NAP1L4: variants seen among roughly 807,000 people sequenced by gnomAD.
NAP1L4 encodes nucleosome assembly protein 1 like 4, also known as nucleosome assembly protein 1-like 4.
Under a neutral mutation model 58.2 loss-of-function variants are expected in NAP1L4, and 15 were observed. The ratio of observed to expected loss-of-function variants is 0.26; its 90% CI spans 0.17 to 0.40. The LOEUF is 0.40. Ranked by LOEUF, NAP1L4 falls within the 10% of genes least tolerant of loss-of-function variation. The pLI is 1.00. For missense variants in NAP1L4, 384 were observed against 451.1 expected, an observed-to-expected ratio of 0.85 and a Z score of 1.35; for synonymous variants, 171 against 155.6, an observed-to-expected ratio of 1.10 and a Z score of -0.74.
chr11:2,945,738 GTTCA>G lies in NAP1L4; in HGVS notation c.*33-96_*33-93del. The G allele has an allele frequency of 2.9e-6, 3 of 1,031,870 alleles. No homozygotes were observed. The South Asian group carries it at 4.8e-5, about 17-fold the overall frequency. 63.9% of individuals were successfully genotyped at this position (1,031,870 alleles called of 1,614,324 possible). A position where few individuals can be genotyped will look rare whatever the true frequency, so the allele number is the denominator to read the frequency against. The stretch of plus-strand genomic sequence containing the variant: ...AACAATGAAAGCCAAGACTGAATGA[GTTCA>G]TTCTCATTGAAAAAAATGGTTACTG... On this transcript the variant is annotated intron_variant, in intron 15 of 15. Coordinates refer to ENST00000380542, the MANE Select transcript of NAP1L4 (RefSeq NM_005969.4).
chr11:2,986,976 T>C (rs1848672697), intron 1 of NAP1L4, among the ~76,000 whole-genome samples: 1 of 152,204 alleles, frequency 6.6e-6, no homozygotes, highest in African/African-American at 2.4e-5. Context: ...GTCTGAGGAA[T>C]GGCAATCCAA....
In NAP1L4 at chr11:2,955,409, T is replaced by C. The variant is rs1846477939; in HGVS notation, c.915+335A>G. ...TAAGCAGAAACGGGGTTTCACCATG[T>C]TGACCAGACTGGTCTTGAACTCCTG... On this transcript the variant is annotated intron_variant, in intron 11 of 15. Transcript: ENST00000380542. The surrounding 1 kb of genome is among the most constrained non-coding windows in gnomAD (Gnocchi z 4.2). Among the ~76,000 whole-genome samples the C allele has an allele frequency of 6.6e-6, 1 of 152,092 alleles. No individual in the cohort carries two copies. The highest frequency in any genetic ancestry group is 6.5e-5 in the Admixed American group (1 of 15,272).
chr11:2,951,821 C>G lies in NAP1L4; in HGVS notation c.1036-12G>C, dbSNP rs796204837. 9 of 1,613,926 alleles carry G rather than the reference C, an allele frequency of 5.6e-6. No homozygotes were observed. Among genetic ancestry groups the G allele is most frequent in the Non-Finnish European group, 7.6e-6 (9 of 1,179,862 alleles). On this transcript the variant is annotated splice_polypyrimidine_tract_variant and intron_variant, in intron 12 of 15. Coordinates refer to ENST00000380542, the MANE Select transcript of NAP1L4 (RefSeq NM_005969.4). The surrounding 1 kb of genome is among the most constrained non-coding windows in gnomAD (Gnocchi z 4.0). ...TCACCTTCTTCAAACTGGAGAAACACAGAAAAACATTTTTAGGTTTACAAA... is the reference window on the plus strand; with the variant it reads ...TCACCTTCTTCAAACTGGAGAAACAGAGAAAAACATTTTTAGGTTTACAAA...
At chr11:2,958,586 G>C in intron 9 of NAP1L4, 42 bp from the exon 10 acceptor site, 1 of 1,586,622 alleles carries the variant, frequency 6.3e-7, no homozygotes, top group Non-Finnish European at 8.6e-7. Context: ...CAATCCATGA[G>C]AAAAATCCAT....
chr11:2,977,099 T>A (rs1378037718), intron 3 of NAP1L4, among the ~76,000 whole-genome samples: 1 of 152,224 alleles, frequency 6.6e-6, no homozygotes, highest in Non-Finnish European at 1.5e-5. Context: ...TGAAGTGTAT[T>A]TAAGGTACGT....
intron 8 of NAP1L4, among the ~76,000 whole-genome samples, chr11:2,961,057 C>T (rs540414266): frequency 2.6e-5 from 4 of 152,100 alleles, no homozygotes; most frequent in East Asian, 3.9e-4. Context: ...CACTTAGAGC[C>T]GCGTTTATAG....
intron 7 of NAP1L4, among the ~76,000 whole-genome samples, chr11:2,966,800 C>G (rs1479005738): frequency 6.6e-6 from 1 of 152,194 alleles, no homozygotes; most frequent in Non-Finnish European, 1.5e-5. Context: ...TCAAACTCAT[C>G]CCACTCAAAG....
intron 3 of NAP1L4, 54 bp downstream of exon 3, chr11:2,978,230 A>G: frequency 6.5e-7 from 1 of 1,537,834 alleles, no homozygotes; most frequent in Non-Finnish European, 8.9e-7. Context: ...ATGTTTCCAG[A>G]GAGAGGAACG....
chr11:2,953,349 G>A (rs1846345199), intron 12 of NAP1L4, among the ~76,000 whole-genome samples: 1 of 152,248 alleles, frequency 6.6e-6, no homozygotes, highest in Admixed American at 6.5e-5. Context: ...GCTTTCCAAT[G>A]TGTAGCCACT....
At chr11:2,984,347 C>T (rs1278793377) in intron 1 of NAP1L4, among the ~76,000 whole-genome samples, 4 of 151,882 alleles carry the variant, frequency 2.6e-5, no homozygotes, top group African/African-American at 4.8e-5. Context: ...CCGAGGCGAG[C>T]GGATCATCTG....
Position 2,954,822 on chromosome 11 carries a change from GTAGC to G in NAP1L4, c.916-180_916-177del, listed in dbSNP as rs1298700063. On this transcript the variant is annotated intron_variant, in intron 11 of 15. Transcript: ENST00000380542. This position sits in a 1 kb window ranked among gnomAD's most constrained non-coding sequence, Gnocchi z 4.8. ...CAAAGCCCCTTTAAAACAACTTTAA[GTAGC>G]TTTAAAGAGCTACTGAAGCAAAATG... 5.1e-6 allele frequency: 4 copies of G among 780,332 alleles called. No individual in the cohort carries two copies. The highest frequency in any genetic ancestry group is 8.2e-6 in the Non-Finnish European group (4 of 485,750). 48.3% of individuals were successfully genotyped at this position (780,332 alleles called of 1,614,324 possible).
intron 6 of NAP1L4, among the ~76,000 whole-genome samples, chr11:2,970,848 A>ACC (rs78730766): frequency 1.4e-5 from 2 of 141,946 alleles, no homozygotes; most frequent in Non-Finnish European, 3.1e-5. Flanking sequence ...ATCATATACC[A>ACC]CCCCCCCCCC....
At chr11:2,991,388 A>G in intron 1 of NAP1L4, 1 of 210,264 alleles carries the variant, frequency 4.8e-6, no homozygotes, top group Non-Finnish European at 1.0e-5. Context: ...CTCTTCCACC[A>G]TCTCTGAACT....
chr11:2,974,288 C>A (rs1314454523), intron 4 of NAP1L4, among the ~76,000 whole-genome samples: 1 of 152,168 alleles, frequency 6.6e-6, no homozygotes, highest in African/African-American at 2.4e-5. Flanking sequence ...GTGCCCCCAA[C>A]AGTCCTTCAA....
intron 1 of NAP1L4, among the ~76,000 whole-genome samples, chr11:2,981,367 ATG>A (rs1355229144): frequency 7.3e-6 from 1 of 137,296 alleles, no homozygotes; most frequent in Non-Finnish European, 1.5e-5. Flanking sequence ...GCAGTGACCT[ATG>A]ACTGCGCCAC....
chr11:2,968,139 T>G (rs1473912509), intron 7 of NAP1L4, among the ~76,000 whole-genome samples: 1 of 152,112 alleles, frequency 6.6e-6, no homozygotes, highest in African/African-American at 2.4e-5. Context: ...CCACTCCCCA[T>G]GCCCCCCGAA....
chr11:2,978,560 T>G lies in NAP1L4; in HGVS notation c.15-218A>C, dbSNP rs148761236. ...AACATCCCCTCTCCTCTCCCAAACA[T>G]AAAGCCCTACAAAGTTCTTATTTCC... is the stretch of plus-strand genomic sequence containing the variant. On this transcript the variant is annotated intron_variant, in intron 2 of 15. Transcript: ENST00000380542. Among the ~76,000 whole-genome samples the G allele has an allele frequency of 9.7e-4, 148 of 152,260 alleles. 1 individual carries two copies. The highest frequency in any genetic ancestry group is 3.2e-3 in the African/African-American group (132 of 41,540).
rs1157814603 is a variant in NAP1L4, at chr11:2,946,796, C to G, written c.*33-1150G>C. Among the ~76,000 whole-genome samples the G allele has an allele frequency of 6.6e-6, 1 of 152,208 alleles. No homozygotes were observed. Among genetic ancestry groups the G allele is most frequent in the East Asian group, 1.9e-4 (1 of 5,204 alleles). ...CCTGGCCAAGACAAAACGAGGCTGA[C>G]CAAAAACCCTCGCCATGTCAATCTG... On this transcript the variant is annotated intron_variant, in intron 15 of 15. Transcript: ENST00000380542. The surrounding 1 kb of genome is among the most constrained non-coding windows in gnomAD (Gnocchi z 4.8).
Position 2,945,572 on chromosome 11 carries a change from C to T in NAP1L4, c.*107G>A. The stretch of plus-strand genomic sequence containing the variant: ...AGGCCCCGCCCACAGGCCTGGAGTC[C>T]CGACAGCCGGTCTGCCAGGCACCCG... On this transcript the variant is annotated 3_prime_UTR_variant, in exon 16 of 16. Transcript: ENST00000380542. 1 of 1,533,588 alleles carries T rather than the reference C, an allele frequency of 6.5e-7. No homozygotes were observed. The highest frequency in any genetic ancestry group is 8.7e-7 in the Non-Finnish European group (1 of 1,144,834). 95.0% of individuals were successfully genotyped at this position (1,533,588 alleles called of 1,614,324 possible). A position where few individuals can be genotyped will look rare whatever the true frequency, so the allele number is the denominator to read the frequency against.
Sources: gnomAD v4.1 joint callset for allele counts (sites outside exome capture counted in the v4.1 genomes callset) on GRCh38, gnomAD v4.1.1 for gene constraint, Gnocchi (gnomAD v3.1) non-coding constraint, MANE v1.5 for transcripts, NCBI Gene and HGNC (gene_info 2026-07-23, HGNC 2026-07-21) for gene names.